OTUD7A: variants seen among roughly 807,000 people sequenced by gnomAD.
OTUD7A encodes the protein OTU domain-containing protein 7A.
In OTUD7A, 12 loss-of-function variants were observed where a neutral mutation model predicts 65.7. The ratio of observed to expected loss-of-function variants is 0.18; its 90% CI spans 0.12 to 0.30. The LOEUF (loss-of-function observed/expected upper bound fraction) is 0.30. Among genes scored for constraint, OTUD7A ranks in the 10% least tolerant of loss-of-function variants. The pLI is 1.00. For synonymous variants in OTUD7A, 641 were observed against 586.3 expected (o/e 1.09, Z -1.35); for missense variants, 1,148 against 1,304.8 (o/e 0.88, Z 1.85).
intron 8 of OTUD7A, among the ~76,000 whole-genome samples, chr15:31,524,074 G>T (rs1338562866): frequency 6.6e-6 from 1 of 152,132 alleles, no homozygotes; most frequent in East Asian, 1.9e-4. Flanking sequence ...GGAGGCATCT[G>T]GCTACAGAAG....
Position 31,721,700 on chromosome 15 carries a change from G to C in OTUD7A, c.-99-64623C>G, listed in dbSNP as rs1367012114. On this transcript the variant is annotated intron_variant, in intron 1 of 12. Transcript: ENST00000307050. ...TCTAAATCAACGTGATCAACAGTTG[G>C]TTTCCTTTTTCTGCCCATAAAATTA... Among the ~76,000 whole-genome samples the C allele has an allele frequency of 4.6e-5, 7 of 151,516 alleles. No individual in the cohort carries two copies. In the South Asian group the frequency reaches 1.3e-3, roughly 27 times the overall value.
chr15:31,577,959 G>A (rs930335454), intron 3 of OTUD7A, among the ~76,000 whole-genome samples: 2 of 152,144 alleles, frequency 1.3e-5, no homozygotes, highest in African/African-American at 2.4e-5. Context: ...GAAGGAAGGA[G>A]CACTCTGAGA....
intron 1 of OTUD7A, among the ~76,000 whole-genome samples, chr15:31,744,517 T>TA (rs973193395): frequency 2.1e-4 from 32 of 152,122 alleles, no homozygotes; most frequent in Admixed American, 1.8e-3. Flanking sequence ...CCTATTCATT[T>TA]AAAAAAAATC....
At chr15:31,584,640 A>G (rs961528982) in intron 3 of OTUD7A, among the ~76,000 whole-genome samples, 1 of 152,228 alleles carries the variant, frequency 6.6e-6, no homozygotes, top group African/African-American at 2.4e-5. Context: ...GAATCGCAAG[A>G]TTGTTGCCAG....
intron 1 of OTUD7A, among the ~76,000 whole-genome samples, chr15:31,783,615 T>C (rs1895598280): frequency 6.6e-6 from 1 of 152,148 alleles, no homozygotes; most frequent in Non-Finnish European, 1.5e-5. Context: ...CTAGCAACCC[T>C]TGTGTGTAAG....
intron 3 of OTUD7A, among the ~76,000 whole-genome samples, chr15:31,570,751 C>G (rs946594410): frequency 2.0e-5 from 3 of 152,150 alleles, no homozygotes; most frequent in Non-Finnish European, 4.4e-5. Flanking sequence ...TGATGCCAGG[C>G]TGGGCAGGTG....
Position 31,481,302 on chromosome 15 carries a change from T to C in OTUD7A, c.*1992A>G, listed in dbSNP as rs1566875386. 1 of 152,232 alleles carries C rather than the reference T, an allele frequency of 6.6e-6. No homozygotes were observed. The highest frequency in any genetic ancestry group is 1.5e-5 in the Non-Finnish European group (1 of 68,050). 9.4% of individuals were successfully genotyped at this position (152,232 alleles called of 1,614,324 possible). On this transcript the variant is annotated 3_prime_UTR_variant, in exon 13 of 13. Transcript: ENST00000307050. The stretch of plus-strand genomic sequence containing the variant: ...CTCAATCTTTTAAGAGTGACGAGCA[T>C]GAGGAGTGGCTGGCATCCACACCTG...
chr15:31,626,118 GGT>G (rs778320638), intron 3 of OTUD7A, among the ~76,000 whole-genome samples: 4 of 152,154 alleles, frequency 2.6e-5, no homozygotes, highest in Non-Finnish European at 4.4e-5. Context: ...TCAGACACAA[GGT>G]GTGTCTATTC....
At chr15:31,658,254 T>G (rs545458759) in intron 1 of OTUD7A, among the ~76,000 whole-genome samples, 26 of 152,310 alleles carry the variant, frequency 1.7e-4, no homozygotes, top group African/African-American at 6.3e-4. Flanking sequence ...ACATTAATTA[T>G]GAGCCAATGA....
intron 5 of OTUD7A, among the ~76,000 whole-genome samples, chr15:31,533,156 T>C (rs569806334): frequency 2.1e-4 from 32 of 151,892 alleles, no homozygotes; most frequent in Non-Finnish European, 3.1e-4. Context: ...AACAACGCCT[T>C]ACTTATATGG....
chr15:31,651,648 T>C (rs1481290738), intron 3 of OTUD7A, among the ~76,000 whole-genome samples: 1 of 150,200 alleles, frequency 6.7e-6, no homozygotes, highest in African/African-American at 2.5e-5. Context: ...GAGTTTAGCT[T>C]TAGCAAGATT....
rs1894999639 is a variant in OTUD7A, at chr15:31,762,696, CCA to C, written c.-99-105621_-99-105620del. Among the ~76,000 whole-genome samples the C allele has an allele frequency of 3.9e-5, 6 of 152,342 alleles. No homozygotes were observed. The South Asian group carries it at 1.2e-3, about 32-fold the overall frequency. On this transcript the variant is annotated intron_variant, in intron 1 of 12. Transcript: ENST00000307050. ...TCTGAAAACAGACTCAACTTTGGAA[CCA>C]CATCCCTGAAAGGGTCAGAACTTGA...
At chr15:31,815,636 G>A (rs1454496330) in intron 1 of OTUD7A, among the ~76,000 whole-genome samples, 1 of 152,212 alleles carries the variant, frequency 6.6e-6, no homozygotes, top group Non-Finnish European at 1.5e-5. Context: ...CTATGGTTGG[G>A]TCCATTCCGG....
chr15:31,742,660 T>C (rs946062816), intron 1 of OTUD7A, among the ~76,000 whole-genome samples: 2 of 152,136 alleles, frequency 1.3e-5, no homozygotes, highest in Non-Finnish European at 1.5e-5. Flanking sequence ...CCAAGTTGCA[T>C]ACAGAGCATT....
At chr15:31,553,611 G>A (rs1306850610) in intron 5 of OTUD7A, among the ~76,000 whole-genome samples, 3 of 151,538 alleles carry the variant, frequency 2.0e-5, no homozygotes, top group East Asian at 2.0e-4. Flanking sequence ...CATCTCCTCA[G>A]GCAACATTAT....
At chr15:31,587,639 C>CAA (rs11445101) in intron 3 of OTUD7A, among the ~76,000 whole-genome samples, 21 of 129,834 alleles carry the variant, frequency 1.6e-4, no homozygotes, top group African/African-American at 3.0e-4. Flanking sequence ...GACTCCATTT[C>CAA]AAAAAAAAAA....
chr15:31,514,988 T>TG (rs2041820899), intron 8 of OTUD7A, among the ~76,000 whole-genome samples: 3 of 152,186 alleles, frequency 2.0e-5, no homozygotes, highest in African/African-American at 7.2e-5. Context: ...CTGCAGTGCC[T>TG]GGGGGGTCAA....
intron 3 of OTUD7A, among the ~76,000 whole-genome samples, chr15:31,633,979 G>C (rs1891258284): frequency 6.6e-6 from 1 of 152,202 alleles, no homozygotes; most frequent in South Asian, 2.1e-4. Context: ...CGACACACCT[G>C]AACCTAACTT....
At chr15:31,557,416 C>T (rs1888532627) in intron 5 of OTUD7A, 1 of 152,274 alleles carries the variant, frequency 6.6e-6, no homozygotes, top group Non-Finnish European at 1.5e-5. Context: ...CAGAGGGTGA[C>T]CTGCGTGGAC....
Sources: allele counts gnomAD v4.1 joint callset (sites outside exome capture counted in the v4.1 genomes callset), GRCh38; gene constraint gnomAD v4.1.1; transcripts MANE v1.5; gene names NCBI Gene and HGNC (gene_info 2026-07-23, HGNC 2026-07-21).